MBNL1: variants seen among roughly 807,000 people sequenced by gnomAD.
MBNL1 encodes muscleblind-like protein 1.
A neutral mutation model predicts 42.2 loss-of-function variants in MBNL1; 8 were observed. That is an observed-to-expected ratio of 0.19 (90% CI 0.11 to 0.34). MBNL1 has a LOEUF of 0.34. Among genes scored for constraint, MBNL1 ranks in the 10% least tolerant of loss-of-function variants. MBNL1 has a pLI of 1.00. For synonymous variants in MBNL1, 169 were observed against 173.9 expected (o/e 0.97, Z 0.22); for missense variants, 309 against 495.3 (o/e 0.62, Z 3.57).
chr3:152,352,226 A>G (rs996816924), intron 2 of MBNL1, among the ~76,000 whole-genome samples: 12 of 152,224 alleles, frequency 7.9e-5, no homozygotes, highest in African/African-American at 2.9e-4. Context: ...ATTTAGGATG[A>G]GCAAAATATG....
At chr3:152,446,160 A>G (rs988226078) in intron 5 of MBNL1, among the ~76,000 whole-genome samples, 3 of 152,192 alleles carry the variant, frequency 2.0e-5, no homozygotes, top group African/African-American at 7.2e-5. Flanking sequence ...ATCATTAAGA[A>G]TAGCTACTAA....
Position 152,386,251 on chromosome 3 carries a change from T to TG in MBNL1, c.175-28689dup, listed in dbSNP as rs552450531. Among the ~76,000 whole-genome samples the TG allele has an allele frequency of 2.0e-3, 297 of 152,166 alleles. 1 individual carries two copies. Among genetic ancestry groups the TG allele is most frequent in the African/African-American group, 6.9e-3 (286 of 41,560 alleles). ...AATAGAGCATGTGTTCATTTTTGGTTGAAAAAAAGGAACTTTTTTTATGAA... is the reference window on the plus strand; with the variant it reads ...AATAGAGCATGTGTTCATTTTTGGTTGGAAAAAAAGGAACTTTTTTTATGAA... On this transcript the variant is annotated intron_variant, in intron 2 of 9. Coordinates refer to ENST00000324210, the MANE Select transcript of MBNL1 (RefSeq NM_021038.5).
At chr3:152,276,867 A>G (rs1001417075) in intron 1 of MBNL1, among the ~76,000 whole-genome samples, 6 of 152,184 alleles carry the variant, frequency 3.9e-5, no homozygotes, top group Non-Finnish European at 8.8e-5. Context: ...GATTGTGGTT[A>G]TACAGAACAG....
At chr3:152,252,101 A>G (rs1238795178) in intron 2 of MBNL1, among the ~76,000 whole-genome samples, 3 of 151,686 alleles carry the variant, frequency 2.0e-5, no homozygotes, top group Admixed American at 6.6e-5. Context: ...CATTTGACCA[A>G]TGGAGCCCAT....
intron 6 of MBNL1, among the ~76,000 whole-genome samples, chr3:152,453,086 G>A (rs1348949462): frequency 2.0e-5 from 3 of 151,604 alleles, no homozygotes; most frequent in Non-Finnish European, 4.4e-5. Flanking sequence ...CTGCTTGTTT[G>A]GATACCAATT....
intron 4 of MBNL1, among the ~76,000 whole-genome samples, chr3:152,438,282 A>G (rs2099104937): frequency 6.6e-6 from 1 of 152,200 alleles, no homozygotes; most frequent in African/African-American, 2.4e-5. Flanking sequence ...TGTCTTATCA[A>G]TGACAATAAA....
At chr3:152,456,636 A>G (rs1419547152) in intron 8 of MBNL1, among the ~76,000 whole-genome samples, 2 of 152,320 alleles carry the variant, frequency 1.3e-5, no homozygotes, top group East Asian at 3.9e-4. Flanking sequence ...ATATTTACAC[A>G]AGCAATTCTC....
intron 2 of MBNL1, among the ~76,000 whole-genome samples, chr3:152,323,997 G>A (rs770191093): frequency 1.1e-4 from 17 of 152,060 alleles, no homozygotes; most frequent in Admixed American, 8.5e-4. Context: ...CCCCGTTTTC[G>A]GTTGCAGTAT....
intron 1 of MBNL1, among the ~76,000 whole-genome samples, chr3:152,297,698 C>T (rs760737045): frequency 2.0e-5 from 3 of 151,754 alleles, no homozygotes; most frequent in Non-Finnish European, 4.4e-5. Context: ...GCTCTGTCAC[C>T]CAAGCTGGAG....
At chr3:152,405,399 A>T (rs1320707167) in intron 2 of MBNL1, among the ~76,000 whole-genome samples, 1 of 152,326 alleles carries the variant, frequency 6.6e-6, no homozygotes, top group South Asian at 2.1e-4. Flanking sequence ...GGGAATTAAC[A>T]TTGGTAAAGT....
At chr3:152,440,790 TA>T (rs2099136163) in intron 4 of MBNL1, among the ~76,000 whole-genome samples, 1 of 152,246 alleles carries the variant, frequency 6.6e-6, no homozygotes, top group Admixed American at 6.5e-5. Context: ...CATTAAATTA[TA>T]AACTCATGAT....
At chr3:152,258,106 T>A (rs1373439756) in intron 2 of MBNL1, among the ~76,000 whole-genome samples, 1 of 152,180 alleles carries the variant, frequency 6.6e-6, no homozygotes, top group African/African-American at 2.4e-5. Flanking sequence ...TTGTAGAAAA[T>A]AGCTATATAT....
intron 2 of MBNL1, among the ~76,000 whole-genome samples, chr3:152,253,269 G>A (rs2034938345): frequency 6.6e-6 from 1 of 151,928 alleles, no homozygotes; most frequent in Admixed American, 6.6e-5. Flanking sequence ...CCATTATCCA[G>A]GCCAACAGTA....
intron 4 of MBNL1, among the ~76,000 whole-genome samples, chr3:152,435,519 C>G (rs1398301031): frequency 2.0e-5 from 3 of 152,092 alleles, no homozygotes; most frequent in Non-Finnish European, 4.4e-5. Context: ...ATTGGCTATC[C>G]AGGCTCTTTT....
chr3:152,379,609 A>G (rs1191604259), intron 2 of MBNL1, among the ~76,000 whole-genome samples: 3 of 152,170 alleles, frequency 2.0e-5, no homozygotes, highest in Non-Finnish European at 4.4e-5. Flanking sequence ...CCTTCTGAAT[A>G]TTGATATGTT....
chr3:152,428,722 C>T (rs189151142), intron 3 of MBNL1, among the ~76,000 whole-genome samples: 243 of 150,936 alleles, frequency 1.6e-3, no homozygotes, highest in African/African-American at 5.6e-3. Context: ...GAGATTCTGA[C>T]GAGTGAGGAG....
intron 2 of MBNL1, among the ~76,000 whole-genome samples, chr3:152,365,913 G>C (rs1447253543): frequency 6.6e-6 from 1 of 152,040 alleles, no homozygotes; most frequent in African/African-American, 2.4e-5. Flanking sequence ...TTTGGACTTA[G>C]ATATAAAGAA....
chr3:152,352,717 G>T (rs908922333), intron 2 of MBNL1, among the ~76,000 whole-genome samples: 1 of 152,074 alleles, frequency 6.6e-6, no homozygotes, highest in African/African-American at 2.4e-5. Flanking sequence ...AAATGTCTCC[G>T]TTAGTAACCC....
rs538632391 is a variant in MBNL1, at chr3:152,281,577, A to G, written c.-790+12485A>G. On this transcript the variant is annotated intron_variant, in intron 1 of 9. Coordinates refer to ENST00000324210, the MANE Select transcript of MBNL1 (RefSeq NM_021038.5). ...ACTCATACCTAATACCCTCTGCCCC[A>G]GCACTCGCCAAGATCAGCAAAATCT... 4.6e-5 allele frequency among the ~76,000 whole-genome samples: 7 copies of G among 152,224 alleles called. No homozygotes were observed. The South Asian group carries it at 1.2e-3, about 27-fold the overall frequency.
Sources: gnomAD v4.1 joint callset for allele counts (sites outside exome capture counted in the v4.1 genomes callset) on GRCh38, gnomAD v4.1.1 for gene constraint, MANE v1.5 for transcripts, NCBI Gene and HGNC (gene_info 2026-07-23, HGNC 2026-07-21) for gene names.